Variants in CNGB3 observed in about 807,000 individuals in gnomAD.
The protein encoded by CNGB3 is cyclic nucleotide-gated channel beta-3.
A neutral mutation model predicts 92.8 loss-of-function variants in CNGB3; 86 were observed. The observed-to-expected ratio is 0.93, with a 90% CI of 0.78 to 1.11. CNGB3 has a LOEUF of 1.11. Among genes scored for constraint, CNGB3 ranks in the 50% least tolerant of loss-of-function variants. The pLI, the probability that CNGB3 is intolerant of heterozygous loss-of-function variation, is 0.00. For missense variants in CNGB3, 1,026 were observed against 956.8 expected (o/e 1.07, Z -0.95); for synonymous variants, 333 against 332.7 (o/e 1.00, Z -0.01).
At chr8:86,589,867 G>A (rs1055001068) in intron 15 of CNGB3, among the ~76,000 whole-genome samples, 6 of 152,122 alleles carry the variant, frequency 3.9e-5, no homozygotes, top group East Asian at 1.9e-4. Context: ...GCTTGGTGCA[G>A]AGCTGAGTTC....
intron 3 of CNGB3, among the ~76,000 whole-genome samples, chr8:86,716,120 G>A (rs1185841631): frequency 2.0e-5 from 3 of 152,060 alleles, no homozygotes; most frequent in Non-Finnish European, 4.4e-5. Context: ...CGAACAAGCA[G>A]GAGAAAGAAC....
At chr8:86,731,943 G>A (rs1825163662) in intron 2 of CNGB3, among the ~76,000 whole-genome samples, 1 of 152,128 alleles carries the variant, frequency 6.6e-6, no homozygotes, top group Non-Finnish European at 1.5e-5. Context: ...CAGAGCCCAG[G>A]AACCAGAAAA....
chr8:86,592,162 G>A (rs944072119), intron 15 of CNGB3, among the ~76,000 whole-genome samples: 74 of 152,002 alleles, frequency 4.9e-4, no homozygotes, highest in East Asian at 7.8e-4. Flanking sequence ...AACCCCTTGC[G>A]CTTCCCGAGT....
chr8:86,631,413 G>A (rs1289927649), intron 11 of CNGB3, among the ~76,000 whole-genome samples: 1 of 152,114 alleles, frequency 6.6e-6, no homozygotes, highest in Non-Finnish European at 1.5e-5. Flanking sequence ...GTTATTATCA[G>A]TGTTATTATA....
At chr8:86,604,038 T>A (rs1433138675) in intron 15 of CNGB3, 55 bp downstream of exon 15, 1 of 1,211,614 alleles carries the variant, frequency 8.3e-7, no homozygotes, top group African/African-American at 1.5e-5. Context: ...TACCTAAGAC[T>A]TTTCTTTTAT....
chr8:86,731,058 C>G (rs898140711), intron 2 of CNGB3, among the ~76,000 whole-genome samples: 2 of 152,078 alleles, frequency 1.3e-5, no homozygotes, highest in Non-Finnish European at 2.9e-5. Context: ...TAACTAGTGA[C>G]CTAATAGTTA....
intron 3 of CNGB3, among the ~76,000 whole-genome samples, chr8:86,724,833 A>G (rs1167037897): frequency 6.6e-6 from 1 of 152,076 alleles, no homozygotes. Context: ...CTGCGGCAGG[A>G]GGGAACATGA....
intron 15 of CNGB3, among the ~76,000 whole-genome samples, chr8:86,597,328 G>T (rs28582700): frequency 6.6e-6 from 1 of 151,938 alleles, no homozygotes; most frequent in African/African-American, 2.4e-5. Flanking sequence ...CTGCCCTCCC[G>T]GTTCCTCTTT....
rs1393634168 is a variant in CNGB3, at chr8:86,644,631, T to C, written c.1046A>G (p.Tyr349Cys). ...CTGAGTTATACTTTACCTGTAGATA[T>C]ATGCTTTGTCCATTATAGACTCTAG... is the stretch of plus-strand genomic sequence containing the variant. ...HHLESIMDKA[Y>C]IYRVIRTTGY... Residue 349 changes from tyrosine (Y) to cysteine (C), a missense_variant, in exon 9 of 18, where the codon TAT becomes TGT. Coordinates refer to ENST00000320005, the MANE Select transcript of CNGB3 (RefSeq NM_019098.5). 3.7e-6 allele frequency: 6 copies of C among 1,601,062 alleles called. No homozygotes were observed. The highest frequency in any genetic ancestry group is 2.7e-5 in the African/African-American group (2 of 74,374).
intron 3 of CNGB3, among the ~76,000 whole-genome samples, chr8:86,696,909 A>C (rs1824460158): frequency 6.6e-6 from 1 of 152,196 alleles, no homozygotes; most frequent in South Asian, 2.1e-4. Context: ...CATTGAATAT[A>C]AAATAATGAG....
At chr8:86,689,622 T>C (rs1376914244) in intron 3 of CNGB3, among the ~76,000 whole-genome samples, 1 of 152,102 alleles carries the variant, frequency 6.6e-6, no homozygotes, top group Non-Finnish European at 1.5e-5. Flanking sequence ...GCAGGTTTGT[T>C]ACATATGTAT....
intron 11 of CNGB3, 48 bp downstream of exon 11, chr8:86,632,704 C>G (rs1186927434): frequency 6.3e-7 from 1 of 1,596,970 alleles, no homozygotes; most frequent in Non-Finnish European, 8.6e-7. Context: ...ACCTGTTAGT[C>G]TTTCAAAATG....
intron 8 of CNGB3, among the ~76,000 whole-genome samples, chr8:86,645,832 C>A (rs1172507008): frequency 6.6e-6 from 1 of 151,100 alleles, no homozygotes; most frequent in Non-Finnish European, 1.5e-5. Context: ...CTTAAGTGTT[C>A]ACTAAAAATA....
intron 15 of CNGB3, among the ~76,000 whole-genome samples, chr8:86,597,962 A>G (rs1044169961): frequency 6.6e-5 from 10 of 151,942 alleles, no homozygotes; most frequent in Admixed American, 5.2e-4. Flanking sequence ...TGGGCGACAG[A>G]GTGAGACTTC....
At chr8:86,676,981 G>A (rs1823984010) in intron 3 of CNGB3, among the ~76,000 whole-genome samples, 4 of 152,280 alleles carry the variant, frequency 2.6e-5, no homozygotes, top group Admixed American at 2.6e-4. Flanking sequence ...AGAACAGTAT[G>A]AATTTTTTTT....
chr8:86,604,104 A>C lies in CNGB3; in HGVS notation c.1770T>G (p.Phe590Leu), dbSNP rs755448793. The change falls in exon 15 of 18, where the codon TTT (phenylalanine) becomes TTG (leucine). Residue 590 changes from phenylalanine to leucine, a missense_variant. Phe to Leu is a conservative substitution (Grantham distance 22). Coordinates refer to ENST00000320005, the MANE Select transcript of CNGB3 (RefSeq NM_019098.5). Reference sequence around the variant, plus strand: ...TATCTTTCAGATACCTGATTTCTCCAAACACCGACCCAGCTTTCAGAGTAA... The same window carrying C: ...TATCTTTCAGATACCTGATTTCTCCCAACACCGACCCAGCTTTCAGAGTAA... The part of the protein sequence containing the change: ...VLVTLKAGSV[F>L]GEISLLAAGG... The C allele has an allele frequency of 6.2e-7, 1 of 1,610,754 alleles. No homozygotes were observed. Among genetic ancestry groups the C allele is most frequent in the South Asian group, 1.1e-5 (1 of 91,014 alleles).
At chr8:86,644,140 A>T (rs1195610060) in intron 9 of CNGB3, among the ~76,000 whole-genome samples, 1 of 151,330 alleles carries the variant, frequency 6.6e-6, no homozygotes. Flanking sequence ...AACTCCGTGA[A>T]AGACATGCCT....
chr8:86,592,272 C>T (rs1392106821), intron 15 of CNGB3, among the ~76,000 whole-genome samples: 1 of 152,200 alleles, frequency 6.6e-6, no homozygotes, highest in African/African-American at 2.4e-5. Flanking sequence ...CCCGGTACCT[C>T]AGATGGAAAT....
chr8:86,704,508 T>C (rs1367104867), intron 3 of CNGB3: 2 of 152,220 alleles, frequency 1.3e-5, no homozygotes, highest in Non-Finnish European at 2.9e-5. Flanking sequence ...ATGGCTGTAA[T>C]GGAAATGGAA....
Sources: gnomAD v4.1 joint callset for allele counts (sites outside exome capture counted in the v4.1 genomes callset) on GRCh38, gnomAD v4.1.1 for gene constraint, MANE v1.5 for transcripts, NCBI Gene and HGNC (gene_info 2026-07-23, HGNC 2026-07-21) for gene names.